FANCC: variants seen among roughly 807,000 people sequenced by gnomAD.
The protein encoded by FANCC is Fanconi anemia group C protein.
Under a neutral mutation model 71.3 loss-of-function variants are expected in FANCC, and 55 were observed. That is an observed-to-expected ratio of 0.77 (90% CI 0.62 to 0.97). FANCC has a LOEUF of 0.97. Ranked by LOEUF, FANCC falls within the 50% of genes least tolerant of loss-of-function variation. FANCC has a pLI of 0.00. For missense variants in FANCC, 678 were observed against 670.9 expected, an observed-to-expected ratio of 1.01 and a Z score of -0.12; for synonymous variants, 275 against 244.9, an observed-to-expected ratio of 1.12 and a Z score of -1.15.
chr9:95,283,176 G>A (rs948455709), intron 1 of FANCC, among the ~76,000 whole-genome samples: 1 of 152,156 alleles, frequency 6.6e-6, no homozygotes, highest in Non-Finnish European at 1.5e-5. Context: ...TCAAACTCGT[G>A]GGCTCAAGGG....
At chr9:95,172,726 T>C (rs1825764985) in intron 4 of FANCC, among the ~76,000 whole-genome samples, 1 of 152,164 alleles carries the variant, frequency 6.6e-6, no homozygotes, top group Non-Finnish European at 1.5e-5. Flanking sequence ...CCGGGTATTA[T>C]TCATCAAAAT....
chr9:95,275,446 A>C (rs1832979977), intron 1 of FANCC, among the ~76,000 whole-genome samples: 1 of 152,226 alleles, frequency 6.6e-6, no homozygotes, highest in East Asian at 1.9e-4. Flanking sequence ...GTCCAAACCC[A>C]TAGAATGTAC....
intron 4 of FANCC, among the ~76,000 whole-genome samples, chr9:95,221,698 T>A (rs946580508): frequency 5.9e-5 from 9 of 152,176 alleles, no homozygotes; most frequent in African/African-American, 2.2e-4. Context: ...AGATAAATAT[T>A]TTTTAATGGG....
chr9:95,248,615 A>G (rs1404319563), intron 2 of FANCC, among the ~76,000 whole-genome samples: 1 of 152,114 alleles, frequency 6.6e-6, no homozygotes, highest in Non-Finnish European at 1.5e-5. Context: ...AAAAATATCT[A>G]TCATAATAAA....
chr9:95,207,224 C>G (rs944544962), intron 4 of FANCC, among the ~76,000 whole-genome samples: 4 of 152,114 alleles, frequency 2.6e-5, no homozygotes, highest in Admixed American at 6.5e-5. Flanking sequence ...GAGCTGGCCA[C>G]AGCTTCTATC....
intron 6 of FANCC, among the ~76,000 whole-genome samples, chr9:95,161,131 G>A (rs1297343485): frequency 1.3e-5 from 2 of 152,128 alleles, no homozygotes; most frequent in Non-Finnish European, 2.9e-5. Flanking sequence ...TAAAAGATAA[G>A]AGTTACTTTG....
Position 95,144,137 on chromosome 9 carries a change from G to C in FANCC, c.686+5786C>G, listed in dbSNP as rs143569945. ...TGACCACGCAGCACATCTGGGGAGG[G>C]GGGGCTGGGCGCGGCTGGTAATTTG... On this transcript the variant is annotated intron_variant, in intron 7 of 14. Coordinates refer to ENST00000289081, the MANE Select transcript of FANCC (RefSeq NM_000136.3). 1.4e-4 allele frequency among the ~76,000 whole-genome samples: 22 copies of C among 152,306 alleles called. No homozygotes were observed. In the East Asian group the frequency reaches 4.2e-3, roughly 29 times the overall value.
At chr9:95,163,906 T>C (rs1333604496) in intron 6 of FANCC, among the ~76,000 whole-genome samples, 2 of 152,124 alleles carry the variant, frequency 1.3e-5, no homozygotes, top group Non-Finnish European at 2.9e-5. Flanking sequence ...TCTATGAACA[T>C]GGGATATCTT....
intron 4 of FANCC, among the ~76,000 whole-genome samples, chr9:95,212,071 A>C (rs547988699): frequency 6.6e-6 from 1 of 152,276 alleles, no homozygotes; most frequent in African/African-American, 2.4e-5. Flanking sequence ...AAAAGGAAGC[A>C]GAGAGAGAAA....
At chr9:95,281,142 C>G (rs1833363035) in intron 1 of FANCC, among the ~76,000 whole-genome samples, 1 of 152,030 alleles carries the variant, frequency 6.6e-6, no homozygotes, top group Admixed American at 6.6e-5. Context: ...GAAATAATAA[C>G]AGAAAGTATT....
chr9:95,123,591 C>T (rs566974788), intron 10 of FANCC: 17 of 586,328 alleles, frequency 2.9e-5, no homozygotes, highest in Middle Eastern at 2.8e-4. Context: ...ATTTGCGACA[C>T]GAACTGTGCC....
chr9:95,257,198 A>G (rs372026181), intron 1 of FANCC, among the ~76,000 whole-genome samples: 2 of 152,242 alleles, frequency 1.3e-5, no homozygotes, highest in Admixed American at 6.5e-5. Context: ...ATAGACATCT[A>G]CAGAACTCTC....
chr9:95,205,817 C>T (rs548784595), intron 4 of FANCC, among the ~76,000 whole-genome samples: 1 of 152,228 alleles, frequency 6.6e-6, no homozygotes, highest in East Asian at 1.9e-4. Context: ...GCAAGAACAA[C>T]ATTTTTGAAT....
intron 4 of FANCC, among the ~76,000 whole-genome samples, chr9:95,222,774 C>G (rs1829362539): frequency 6.6e-6 from 1 of 152,116 alleles, no homozygotes; most frequent in Non-Finnish European, 1.5e-5. Context: ...CCTAACAAAG[C>G]TTTTTCATTT....
rs532198785 is a variant in FANCC, at chr9:95,105,975, G to A, written c.1533+1091C>T. Among the ~76,000 whole-genome samples the A allele has an allele frequency of 4.6e-5, 7 of 152,322 alleles. No homozygotes were observed. The South Asian group carries it at 1.5e-3, about 32-fold the overall frequency. On this transcript the variant is annotated intron_variant, in intron 14 of 14. Coordinates refer to ENST00000289081, the MANE Select transcript of FANCC (RefSeq NM_000136.3). ...TCCAGCCCCTGCTTTCGGCTCTCTGGGTTATAGACCTAGGAGAACTGCCTG... is the reference window on the plus strand; with the variant it reads ...TCCAGCCCCTGCTTTCGGCTCTCTGAGTTATAGACCTAGGAGAACTGCCTG...
rs75907093 is a variant in FANCC at position 95,205,611 on chromosome 9, C to T, written c.346-33464G>A. ...AAAATGTTAAAGCTTCGGAATGATA[C>T]ATTTCCATTTGTACACATTTATTAC... On this transcript the variant is annotated intron_variant, in intron 4 of 14. Transcript: ENST00000289081. Among the ~76,000 whole-genome samples the T allele has an allele frequency of 1.9e-4, 28 of 150,546 alleles. No homozygotes were observed. In the East Asian group the frequency reaches 5.1e-3, roughly 27 times the overall value.
At chr9:95,299,117 C>G (rs1044270196) in intron 1 of FANCC, among the ~76,000 whole-genome samples, 2 of 152,186 alleles carry the variant, frequency 1.3e-5, no homozygotes, top group Admixed American at 1.3e-4. Context: ...TTACTTTTAA[C>G]TTTATTTGAG....
chr9:95,210,690 T>C (rs976988500), intron 4 of FANCC, among the ~76,000 whole-genome samples: 7 of 152,174 alleles, frequency 4.6e-5, no homozygotes, highest in African/African-American at 1.4e-4. Flanking sequence ...CCCAGGCAAT[T>C]AGCTGTGTTG....
At chr9:95,241,204 T>C (rs1165655863) in intron 3 of FANCC, among the ~76,000 whole-genome samples, 1 of 152,228 alleles carries the variant, frequency 6.6e-6, no homozygotes, top group Non-Finnish European at 1.5e-5. Context: ...TAGCCAGTAT[T>C]TGTGATTTAA....
Sources: allele counts gnomAD v4.1 joint callset (sites outside exome capture counted in the v4.1 genomes callset), GRCh38; gene constraint gnomAD v4.1.1; transcripts MANE v1.5; gene names NCBI Gene and HGNC (gene_info 2026-07-23, HGNC 2026-07-21).